NAA38: variants seen among roughly 807,000 people sequenced by gnomAD.
NAA38 encodes LSM domain containing 1.
In NAA38, 15 loss-of-function variants were observed where a neutral mutation model predicts 12.6. That is an observed-to-expected ratio of 1.19 (90% CI 0.79 to 1.83). The LOEUF (loss-of-function observed/expected upper bound fraction) is 1.83, where lower values mean the gene tolerates loss of function less well. Among genes scored for constraint, NAA38 ranks in the 40% most tolerant of loss-of-function variants. The pLI is 0.00. For missense variants in NAA38, 183 were observed against 171.7 expected (o/e 1.07, Z -0.37); for synonymous variants, 88 against 69.9 (o/e 1.26, Z -1.29).
chr17:7,871,307 T>C (rs1018338426), intron 2 of NAA38, among the ~76,000 whole-genome samples: 2 of 152,220 alleles, frequency 1.3e-5, no homozygotes, highest in African/African-American at 4.8e-5. Context: ...GGATACTTTC[T>C]ACTTTATAAG....
chr17:7,859,456 G>C, upstream of NAA38: 5 of 1,614,136 alleles, frequency 3.1e-6, no homozygotes, highest in Non-Finnish European at 4.2e-6. Flanking sequence ...CCAGCTACAC[G>C]TGGAAATATG....
rs1035237474 is a variant in NAA38 at position 7,866,369 on chromosome 17, G to C, written c.3+122C>G. The C allele has an allele frequency of 5.9e-6, 4 of 682,094 alleles. No individual in the cohort carries two copies. The Admixed American group carries it at 1.4e-4, about 23-fold the overall frequency. The allele number at this position is 682,094 out of a possible 1,614,324, so 42.3% of individuals were successfully genotyped here. Reference sequence around the variant, plus strand: ...GTGATCCGCCCGCCTCGGCCTCCCAGAGTGCTGGAATTACAGGTGTGAGCC... The same window carrying C: ...GTGATCCGCCCGCCTCGGCCTCCCACAGTGCTGGAATTACAGGTGTGAGCC... On this transcript the variant is annotated intron_variant, in intron 3 of 4. Coordinates refer to the NAA38 transcript ENST00000576861.
At chr17:7,880,681 C>T (rs1160328530) in intron 2 of NAA38, among the ~76,000 whole-genome samples, 3 of 152,186 alleles carry the variant, frequency 2.0e-5, no homozygotes, top group South Asian at 2.1e-4. Flanking sequence ...GTAAGCTCAG[C>T]TTACTGTTAC....
At chr17:7,875,775 C>T (rs1967165525) in intron 2 of NAA38, among the ~76,000 whole-genome samples, 1 of 152,172 alleles carries the variant, frequency 6.6e-6, no homozygotes, top group Admixed American at 6.5e-5. Context: ...CCATCACCCC[C>T]AAAAGAAACC....
chr17:7,857,805 C>T, upstream of NAA38: 1 of 1,318,690 alleles, frequency 7.6e-7, no homozygotes. Context: ...TCCTAAATAT[C>T]CCATGTAGCC....
At chr17:7,872,187 A>G (rs998503214) in intron 2 of NAA38, among the ~76,000 whole-genome samples, 1 of 152,178 alleles carries the variant, frequency 6.6e-6, no homozygotes, top group Non-Finnish European at 1.5e-5. Context: ...ACACAGTAAA[A>G]TTTAGTTTCA....
chr17:7,872,473 C>T (rs1226475812), intron 2 of NAA38, among the ~76,000 whole-genome samples: 1 of 152,232 alleles, frequency 6.6e-6, no homozygotes, highest in Non-Finnish European at 1.5e-5. Flanking sequence ...GGTGATTCTC[C>T]TGCCTTAGCC....
intron 2 of NAA38, among the ~76,000 whole-genome samples, chr17:7,875,938 T>C (rs1967167726): frequency 6.6e-6 from 1 of 152,254 alleles, no homozygotes; most frequent in African/African-American, 2.4e-5. Context: ...CATAATGTTT[T>C]CAAAGTTCAT....
chr17:7,857,169 C>T lies in NAA38; in HGVS notation c.111G>A (p.Ala37=). 1.9e-6 allele frequency: 3 copies of T among 1,613,162 alleles called. No homozygotes were observed. Among genetic ancestry groups the T allele is most frequent in the Non-Finnish European group, 2.5e-6 (3 of 1,180,028 alleles). ...CTAGCTGCTGTCGGGCGCGCTCAGC[C>T]GCCGAGTCCTCGCGCTCTCCGTCCG... ...GDSDGEREDS[A]AERARQQLEA... is the part of the protein sequence containing the mutation. Residue 37 remains alanine (A), a synonymous_variant, in exon 2 of 3, where the codon GCG becomes GCA. Coordinates refer to ENST00000575771, the MANE Select transcript of NAA38 (RefSeq NM_001320925.4).
At position 7,857,012 on chromosome 17, in the gene NAA38, GA is replaced by G; in HGVS notation, c.265+2del. 1 of 1,603,172 alleles carries G rather than the reference GA, an allele frequency of 6.2e-7. No individual in the cohort carries two copies. Among genetic ancestry groups the G allele is most frequent in the Non-Finnish European group, 8.5e-7 (1 of 1,172,254 alleles). Reference sequence around the variant, plus strand: ...GGCGGGTGTGCATTCCCCGGGCACTGACCCGACGGCTTGAGGAACTCCTGCG... The same window carrying G: ...GGCGGGTGTGCATTCCCCGGGCACTGCCCGACGGCTTGAGGAACTCCTGCG... On this transcript the variant is annotated splice_donor_variant, in intron 2 of 2. Coordinates refer to ENST00000575771, the MANE Select transcript of NAA38 (RefSeq NM_001320925.4). LOFTEE classifies it high-confidence loss of function.
chr17:7,884,859 CGGA>C, intron 1 of NAA38: 1 of 1,155,268 alleles, frequency 8.7e-7, no homozygotes, highest in Non-Finnish European at 1.2e-6. Flanking sequence ...ATGGTGGTGT[CGGA>C]GGAGGAAGAA....
At chr17:7,859,083 G>T, upstream of NAA38, 1 of 568,288 alleles carries the variant, frequency 1.8e-6, no homozygotes, top group Non-Finnish European at 3.1e-6. Flanking sequence ...GTGGTCCTTC[G>T]AAGCTCTTAC....
chr17:7,885,313 G>GCACCCCTCCCCCGCCGCACCCCTCCC, upstream of NAA38: 1 of 119,536 alleles, frequency 8.4e-6, no homozygotes, highest in Non-Finnish European at 1.6e-5. Flanking sequence ...CTCCCCCGCC[G>GCACCCCTCCCCCGCCGCACCCCTCCC]CCGCCGCCGC....
At chr17:7,858,130 G>C, upstream of NAA38, 2 of 1,613,300 alleles carry the variant, frequency 1.2e-6, no homozygotes, top group Non-Finnish European at 1.7e-6. Flanking sequence ...GACAGAGCAA[G>C]AGCCATGCCG....
intron 2 of NAA38, among the ~76,000 whole-genome samples, chr17:7,876,251 T>C (rs1567818515): frequency 6.6e-6 from 1 of 152,120 alleles, no homozygotes; most frequent in Non-Finnish European, 1.5e-5. Context: ...CTAGTATCAA[T>C]GATCATGCCT....
intron 2 of NAA38, among the ~76,000 whole-genome samples, chr17:7,876,827 C>T (rs1967182500): frequency 6.6e-6 from 1 of 152,246 alleles, no homozygotes; most frequent in South Asian, 2.1e-4. Context: ...TTTCCCCTTC[C>T]CAGTGGCAAC....
chr17:7,865,056 A>G (rs1159419514), intron 3 of NAA38: 2 of 152,188 alleles, frequency 1.3e-5, no homozygotes, highest in African/African-American at 4.8e-5. Flanking sequence ...ACACATACCT[A>G]TATATAAACA....
rs112239264 is a variant in NAA38 at position 7,882,455 on chromosome 17, A to C, written c.-66+780T>G. Among the ~76,000 whole-genome samples, 1,294 of 152,342 alleles carry C rather than the reference A, an allele frequency of 8.5e-3. 24 individuals carry two copies. Among genetic ancestry groups the C allele is most frequent in the African/African-American group, 0.029 (1,192 of 41,576 alleles). ...AGATGGAAAGTCACGTAGAGGTGAC[A>C]GAGCCTGAGGGTCCAAGGGATGAGA... On this transcript the variant is annotated intron_variant, in intron 2 of 4. Coordinates refer to the NAA38 transcript ENST00000576861.
chr17:7,858,768 A>C, upstream of NAA38: 1 of 1,592,396 alleles, frequency 6.3e-7, no homozygotes, highest in Non-Finnish European at 8.6e-7. Context: ...GCTGTCTGCC[A>C]AGACCCGGAG....
Sources: allele counts gnomAD v4.1 joint callset (sites outside exome capture counted in the v4.1 genomes callset), GRCh38; gene constraint gnomAD v4.1.1; transcripts MANE v1.5; gene names NCBI Gene and HGNC (gene_info 2026-07-23, HGNC 2026-07-21).